The following PDPN variants were observed in gnomAD, a reference collection of about 807,000 sequenced individuals.
PDPN encodes podoplanin, also known as PA2.26 antigen.
In PDPN, 12 loss-of-function variants were observed where a neutral mutation model predicts 23.2. That is an observed-to-expected ratio of 0.52 (90% CI 0.33 to 0.84). The LOEUF (loss-of-function observed/expected upper bound fraction) is 0.84. PDPN is among the 40% of genes least tolerant of loss of function. The pLI, the probability that PDPN is intolerant of heterozygous loss-of-function variation, is 0.02. For synonymous variants in PDPN, 77 were observed against 76.7 expected, an observed-to-expected ratio of 1.00 and a Z score of -0.02; for missense variants, 199 against 212.2, an observed-to-expected ratio of 0.94 and a Z score of 0.39.
chr1:13,608,530 G>C (rs1388828846), intron 2 of PDPN, among the ~76,000 whole-genome samples: 4 of 152,158 alleles, frequency 2.6e-5, no homozygotes, highest in African/African-American at 7.2e-5. Flanking sequence ...ACACTGCCCA[G>C]ATCTTTCCAT....
intron 1 of PDPN, among the ~76,000 whole-genome samples, chr1:13,606,045 A>G (rs12083757): frequency 0.016 from 2,431 of 151,788 alleles, 74 homozygotes; most frequent in African/African-American, 0.056. Flanking sequence ...GCTGGAGTGC[A>G]GTGATGCGAT....
chr1:13,603,742 C>T (rs1227106241), intron 1 of PDPN, among the ~76,000 whole-genome samples: 1 of 152,072 alleles, frequency 6.6e-6, no homozygotes, highest in Non-Finnish European at 1.5e-5. Flanking sequence ...GCACCTGCCA[C>T]TGTGCCAGGC....
At chr1:13,601,381 A>G (rs1288402371) in intron 1 of PDPN, among the ~76,000 whole-genome samples, 3 of 152,244 alleles carry the variant, frequency 2.0e-5, no homozygotes, top group South Asian at 2.1e-4. Flanking sequence ...TTTTGGGACC[A>G]TGTCTTGCTC....
At chr1:13,596,026 C>G (rs1482535348) in intron 1 of PDPN, 2 of 391,212 alleles carry the variant, frequency 5.1e-6, no homozygotes, top group Non-Finnish European at 9.5e-6. Flanking sequence ...GATGAAATCC[C>G]GTCTCTACTA....
intron 1 of PDPN, among the ~76,000 whole-genome samples, chr1:13,598,695 T>C (rs532435502): frequency 7.1e-4 from 108 of 152,208 alleles, no homozygotes; most frequent in African/African-American, 2.4e-3. Flanking sequence ...CCCCTCCACC[T>C]GGCCACACTG....
At chr1:13,595,005 A>G (rs78946539) in intron 1 of PDPN, among the ~76,000 whole-genome samples, 9,269 of 151,152 alleles carry the variant, frequency 0.061, 379 homozygotes, top group East Asian at 0.22. Flanking sequence ...AAAAAAAAAA[A>G]AAAGAAAGAA....
intron 1 of PDPN, among the ~76,000 whole-genome samples, chr1:13,601,117 T>TA (rs1640631563): frequency 6.6e-6 from 1 of 152,228 alleles, no homozygotes; most frequent in Non-Finnish European, 1.5e-5. Flanking sequence ...TTTGAATACT[T>TA]ACTTTTCCTC....
chr1:13,616,265 C>T lies in PDPN; in HGVS notation c.*354C>T, dbSNP rs1641071971. 1 of 290,840 alleles carries T rather than the reference C, an allele frequency of 3.4e-6. No individual in the cohort carries two copies. Among genetic ancestry groups the T allele is most frequent in the South Asian group, 5.9e-5 (1 of 16,820 alleles). The allele number at this position is 290,840 out of a possible 1,614,324, so 18.0% of individuals were successfully genotyped here. On this transcript the variant is annotated 3_prime_UTR_variant, in exon 6 of 6. Transcript: ENST00000621990. Reference sequence around the variant, plus strand: ...CTGTAACCATGTGTCTCCGTCTGACCATTCTTGTTATTGTTAAAATGCAGA... The same window carrying T: ...CTGTAACCATGTGTCTCCGTCTGACTATTCTTGTTATTGTTAAAATGCAGA...
upstream of PDPN, chr1:13,583,764 C>T: frequency 6.7e-7 from 1 of 1,493,544 alleles, no homozygotes; most frequent in Non-Finnish European, 9.0e-7. Context: ...CGGAGACCAC[C>T]TTGCGGCCGA....
At position 13,615,157 on chromosome 1, in the gene PDPN, A is replaced by G. The variant is rs760855305; in HGVS notation, c.482+746A>G. On this transcript the variant is annotated intron_variant, in intron 5 of 5. Transcript: ENST00000621990. Reference sequence around the variant, plus strand: ...TTCCGCTCTTGCCCTGCGTGCACCCACATACGTGGTCATAGACTCCTAGCT... The same window carrying G: ...TTCCGCTCTTGCCCTGCGTGCACCCGCATACGTGGTCATAGACTCCTAGCT... Among the ~76,000 whole-genome samples the G allele has an allele frequency of 3.2e-4, 48 of 152,230 alleles. 1 individual carries two copies. The highest frequency in any genetic ancestry group is 6.2e-4 in the South Asian group (3 of 4,826).
At chr1:13,606,546 T>C (rs996544635) in intron 1 of PDPN, among the ~76,000 whole-genome samples, 1 of 152,152 alleles carries the variant, frequency 6.6e-6, no homozygotes, top group African/African-American at 2.4e-5. Context: ...TGAGCACTTG[T>C]AGTCCCCGCT....
At chr1:13,599,418 C>G (rs1162285517) in intron 1 of PDPN, among the ~76,000 whole-genome samples, 1 of 119,390 alleles carries the variant, frequency 8.4e-6, no homozygotes, top group South Asian at 2.9e-4. Flanking sequence ...CAGAGCCTTG[C>G]TCTGTCACCC....
intron 1 of PDPN, among the ~76,000 whole-genome samples, chr1:13,595,035 A>G (rs192875616): frequency 1.5e-3 from 235 of 151,856 alleles, no homozygotes; most frequent in Non-Finnish European, 2.7e-3. Flanking sequence ...AAACGAGAGC[A>G]TGCACCTGAC....
intron 1 of PDPN, among the ~76,000 whole-genome samples, chr1:13,599,600 G>T (rs986712378): frequency 6.6e-6 from 1 of 151,748 alleles, no homozygotes; most frequent in African/African-American, 2.4e-5. Flanking sequence ...GCTAGGCTGG[G>T]TTCAAACTCC....
intron 1 of PDPN, among the ~76,000 whole-genome samples, chr1:13,589,690 C>A (rs1338536288): frequency 6.6e-6 from 1 of 152,162 alleles, no homozygotes; most frequent in Non-Finnish European, 1.5e-5. Context: ...AGAGCCCACA[C>A]CCCTAACCAC....
chr1:13,583,856 G>A lies in PDPN; in HGVS notation c.-178G>A, dbSNP rs375753913. The A allele has an allele frequency of 2.5e-6, 4 of 1,595,022 alleles. No individual in the cohort carries two copies. Among genetic ancestry groups the A allele is most frequent in the Middle Eastern group, 1.7e-4 (1 of 5,922 alleles). ...CAACTGCAAAGTTTGCTGTCCGGCT[G>A]CCTAGGGTCTGGGAAGCTCGGGCAC... On this transcript the variant is annotated 5_prime_UTR_variant, in exon 1 of 6. Transcript: ENST00000621990.
chr1:13,614,262 C>T (rs1456746827), intron 4 of PDPN, 38 bp from the exon 5 acceptor site: 7 of 1,070,396 alleles, frequency 6.5e-6, no homozygotes, highest in African/African-American at 3.2e-5. Context: ...TGTATTTTTT[C>T]CTCTGGGGCT....
intron 2 of PDPN, 34 bp downstream of exon 2, chr1:13,607,340 T>C: frequency 6.3e-7 from 1 of 1,594,778 alleles, no homozygotes; most frequent in African/African-American, 1.3e-5. Flanking sequence ...ATTTTTTCCG[T>C]AGGCATGTGA....
chr1:13,600,134 TC>T (rs1199902643), intron 1 of PDPN, among the ~76,000 whole-genome samples: 2 of 152,122 alleles, frequency 1.3e-5, no homozygotes, highest in African/African-American at 4.8e-5. Context: ...AAGCAATTGT[TC>T]CTGACTACCA....
Sources: allele counts gnomAD v4.1 joint callset (sites outside exome capture counted in the v4.1 genomes callset), GRCh38; gene constraint gnomAD v4.1.1; transcripts MANE v1.5; gene names NCBI Gene and HGNC (gene_info 2026-07-23, HGNC 2026-07-21).